The following ENTREP2 variants were observed in gnomAD, a reference collection of about 807,000 sequenced individuals.
ENTREP2 encodes endosomal transmembrane epsin interactor 2.
At chr15:29,328,302 A>G in the ENTREP2 span, among the ~76,000 whole-genome samples, 1 of 152,258 alleles carries the variant, frequency 6.6e-6, no homozygotes, top group African/African-American at 2.4e-5. Flanking sequence ...AGTGAAGTCC[A>G]GAGAATTTTT....
chr15:29,326,498 T>C, the ENTREP2 span, among the ~76,000 whole-genome samples: 1 of 152,112 alleles, frequency 6.6e-6, no homozygotes, highest in African/African-American at 2.4e-5. Context: ...TACTTAGGTA[T>C]AAATCTGACA....
chr15:29,183,184 CGT>C, the ENTREP2 span, among the ~76,000 whole-genome samples: 573 of 152,238 alleles, frequency 3.8e-3, 2 homozygotes, highest in African/African-American at 0.013. Flanking sequence ...AGTCACTGAT[CGT>C]GAGAAGACTT....
chr15:29,180,665 AAAAT>A, the ENTREP2 span, among the ~76,000 whole-genome samples: 1 of 152,170 alleles, frequency 6.6e-6, no homozygotes, highest in African/African-American at 2.4e-5. Flanking sequence ...CTCCGTCTCA[AAAAT>A]AAATAAATAA....
At chr15:29,185,389 C>A in the ENTREP2 span, among the ~76,000 whole-genome samples, 1 of 152,202 alleles carries the variant, frequency 6.6e-6, no homozygotes, top group Non-Finnish European at 1.5e-5. Flanking sequence ...CCCCTGCTCA[C>A]TTACCTGTCA....
chr15:29,131,969 G>A, the ENTREP2 span, among the ~76,000 whole-genome samples: 3 of 40,222 alleles, frequency 7.5e-5, no homozygotes, highest in Admixed American at 5.5e-4. Context: ...AAGTGTGCAC[G>A]GCCCGTCACC....
chr15:29,344,216 C>T, the ENTREP2 span, among the ~76,000 whole-genome samples: 120 of 152,318 alleles, frequency 7.9e-4, no homozygotes, highest in Non-Finnish European at 1.4e-3. Context: ...GGAACAGGTG[C>T]CACCTCCCCA....
At chr15:29,623,065 CT>C in the ENTREP2 span, among the ~76,000 whole-genome samples, 1 of 152,192 alleles carries the variant, frequency 6.6e-6, no homozygotes, top group African/African-American at 2.4e-5. Context: ...TATAATGCTC[CT>C]TTATACTTTG....
the ENTREP2 span, among the ~76,000 whole-genome samples, chr15:29,526,659 G>T: frequency 6.6e-6 from 1 of 151,192 alleles, no homozygotes; most frequent in Non-Finnish European, 1.5e-5. Context: ...TTTAAAGATG[G>T]TGTCTTAACG....
the ENTREP2 span, among the ~76,000 whole-genome samples, chr15:29,401,770 A>G: frequency 6.6e-6 from 1 of 152,226 alleles, no homozygotes. Flanking sequence ...AGACTTCGGT[A>G]TTTACATAGA....
At chr15:29,355,337 A>AG in the ENTREP2 span, among the ~76,000 whole-genome samples, 1 of 152,114 alleles carries the variant, frequency 6.6e-6, no homozygotes, top group Non-Finnish European at 1.5e-5. Flanking sequence ...ATCCCCCAGG[A>AG]CAGAGCCCCT....
At chr15:29,581,369 T>C in the ENTREP2 span, among the ~76,000 whole-genome samples, 2 of 152,084 alleles carry the variant, frequency 1.3e-5, no homozygotes, top group Non-Finnish European at 2.9e-5. Flanking sequence ...CAGAAAGACA[T>C]AACCACAAAA....
At chr15:29,473,862 C>T in the ENTREP2 span, among the ~76,000 whole-genome samples, 13 of 152,158 alleles carry the variant, frequency 8.5e-5, no homozygotes, top group Admixed American at 6.5e-4. Flanking sequence ...TTCATGACAA[C>T]GAGGACATCT....
At chr15:29,128,675 G>A in the ENTREP2 span, 1 of 820,500 alleles carries the variant, frequency 1.2e-6, no homozygotes, top group East Asian at 2.7e-5. Context: ...GTAAGAAATG[G>A]AGGGAGGAGG....
chr15:29,160,708 C>CAA, the ENTREP2 span, among the ~76,000 whole-genome samples: 1,471 of 36,188 alleles, frequency 0.041, 229 homozygotes, highest in African/African-American at 0.14. Flanking sequence ...GACTCTGTCT[C>CAA]AAAAAAAAAA....
At chr15:29,318,787 G>A in the ENTREP2 span, among the ~76,000 whole-genome samples, 3 of 152,282 alleles carry the variant, frequency 2.0e-5, no homozygotes, top group African/African-American at 7.2e-5. Flanking sequence ...GAACCCACAA[G>A]CTCTCCAAGG....
At chr15:29,350,978 T>C in the ENTREP2 span, among the ~76,000 whole-genome samples, 2 of 152,096 alleles carry the variant, frequency 1.3e-5, no homozygotes, top group African/African-American at 2.4e-5. Flanking sequence ...CACATACATT[T>C]ATACATTTCA....
the ENTREP2 span, among the ~76,000 whole-genome samples, chr15:29,392,154 G>T: frequency 6.6e-6 from 1 of 150,924 alleles, no homozygotes; most frequent in Non-Finnish European, 1.5e-5. Context: ...AGTGGAGAAG[G>T]GGTTTCACCA....
chr15:29,601,433 CT>C, the ENTREP2 span, among the ~76,000 whole-genome samples: 532 of 142,452 alleles, frequency 3.7e-3, no homozygotes, highest in Middle Eastern at 0.011. Context: ...CCACCACCAC[CT>C]TTTTTTTTTT....
At chr15:29,387,622 T>G in the ENTREP2 span, among the ~76,000 whole-genome samples, 1 of 152,140 alleles carries the variant, frequency 6.6e-6, no homozygotes, top group African/African-American at 2.4e-5. Context: ...AAAACTACTT[T>G]AAAGTTCATA....
Sources: allele counts gnomAD v4.1 joint callset (sites outside exome capture counted in the v4.1 genomes callset), GRCh38; gene constraint gnomAD v4.1.1; transcripts MANE v1.5; gene names NCBI Gene and HGNC (gene_info 2026-07-23, HGNC 2026-07-21).